The following ADAMTSL1 variants were observed in gnomAD, a reference collection of about 807,000 sequenced individuals.
ADAMTSL1 encodes ADAMTS-like protein 1.
In ADAMTSL1, 126 loss-of-function variants were observed where a neutral mutation model predicts 201.8. The ratio of observed to expected loss-of-function variants is 0.62; its 90% CI spans 0.54 to 0.72. The LOEUF is 0.72. Among genes scored for constraint, ADAMTSL1 ranks in the 30% least tolerant of loss-of-function variants. The probability of loss-of-function intolerance (pLI) is 0.00; values close to 1 mark genes in which losing one functional copy is unlikely to be tolerated. For missense variants in ADAMTSL1, 2,679 were observed against 2,277.8 expected, an observed-to-expected ratio of 1.18 and a Z score of -3.59; for synonymous variants, 1,121 against 903.4, an observed-to-expected ratio of 1.24 and a Z score of -4.32.
At position 18,753,584 on chromosome 9, in the gene ADAMTSL1, G is replaced by T. The variant is rs1819586466; in HGVS notation, c.2217+76G>T. 6.0e-6 allele frequency: 9 copies of T among 1,506,062 alleles called. No homozygotes were observed. In the South Asian group the frequency reaches 1.1e-4, roughly 18 times the overall value. The allele number at this position is 1,506,062 out of a possible 1,614,324, so 93.3% of individuals were successfully genotyped here. A position where few individuals can be genotyped will look rare whatever the true frequency, so the allele number is the denominator to read the frequency against. On this transcript the variant is annotated intron_variant, in intron 16 of 28. Coordinates refer to ENST00000380548, the MANE Select transcript of ADAMTSL1 (RefSeq NM_001040272.6). The stretch of plus-strand genomic sequence containing the variant: ...CAAAAAAGGGATGCTCTCTCAGAGT[G>T]GTTTTGTCCAGGGATGTTAAAGGGA...
Position 18,420,825 on chromosome 9 carries a change from A to G in ADAMTSL1, c.208-84004A>G, listed in dbSNP as rs146293865. Among the ~76,000 whole-genome samples the G allele has an allele frequency of 2.0e-5, 3 of 152,310 alleles. No individual in the cohort carries two copies. The East Asian group carries it at 5.8e-4, about 29-fold the overall frequency. On this transcript the variant is annotated intron_variant, in intron 2 of 29. Coordinates refer to the ADAMTSL1 transcript ENST00000680146. ...AATTAAAAGGACTAGATTCAGGAAA[A>G]AAATAGTTTTTGTCTCGAATGCCAA...
chr9:18,897,116 G>A (rs546999744), intron 26 of ADAMTSL1, among the ~76,000 whole-genome samples: 1 of 152,338 alleles, frequency 6.6e-6, no homozygotes, highest in Admixed American at 6.5e-5. Context: ...TGCTGTGCCA[G>A]ATAGTGGCCA....
intron 3 of ADAMTSL1, among the ~76,000 whole-genome samples, chr9:18,552,483 G>A (rs569628163): frequency 1.3e-5 from 2 of 151,768 alleles, no homozygotes; most frequent in African/African-American, 2.4e-5. Flanking sequence ...TTTGTTTGAT[G>A]ACCTGTTATC....
intron 2 of ADAMTSL1, among the ~76,000 whole-genome samples, chr9:18,331,130 G>A (rs180874968): frequency 1.3e-5 from 2 of 152,250 alleles, no homozygotes; most frequent in East Asian, 1.9e-4. Flanking sequence ...AGGCAACAAA[G>A]GTGTAAGACA....
In ADAMTSL1 at chr9:18,765,304, T is replaced by C. The variant is rs374960928; in HGVS notation, c.2218-5298T>C. Among the ~76,000 whole-genome samples the C allele has an allele frequency of 1.8e-4, 28 of 152,282 alleles. 2 individuals are homozygous for C. Among genetic ancestry groups the C allele is most frequent in the Admixed American group, 1.2e-3 (18 of 15,294 alleles). On this transcript the variant is annotated intron_variant, in intron 16 of 28. Transcript: ENST00000380548. The stretch of plus-strand genomic sequence containing the variant: ...ATGTCAATCACTGGGTAACAGAAAC[T>C]TTGGGAGCATGTTCTTTATGTCTGA...
At chr9:18,483,560 G>T (rs925214842) in intron 1 of ADAMTSL1, among the ~76,000 whole-genome samples, 1 of 152,174 alleles carries the variant, frequency 6.6e-6, no homozygotes, top group Non-Finnish European at 1.5e-5. Flanking sequence ...TGGCGCGCTG[G>T]CTCACACCTG....
At chr9:18,199,507 C>G (rs1320366021) in intron 2 of ADAMTSL1, among the ~76,000 whole-genome samples, 1 of 152,004 alleles carries the variant, frequency 6.6e-6, no homozygotes, top group African/African-American at 2.4e-5. Flanking sequence ...AAAAAACAAT[C>G]TTTTTGAAGT....
chr9:18,370,513 C>A (rs1836998143), intron 2 of ADAMTSL1, among the ~76,000 whole-genome samples: 1 of 152,060 alleles, frequency 6.6e-6, no homozygotes, highest in Admixed American at 6.5e-5. Flanking sequence ...TAGCAGGGTG[C>A]CTCATGCACG....
At chr9:17,929,664 C>T (rs535878168) in intron 1 of ADAMTSL1, among the ~76,000 whole-genome samples, 44 of 152,230 alleles carry the variant, frequency 2.9e-4, no homozygotes, top group African/African-American at 1.0e-3. Context: ...GTTTTCTTTG[C>T]CTGGAGGTCT....
At chr9:18,769,607 G>T (rs563019595) in intron 16 of ADAMTSL1, among the ~76,000 whole-genome samples, 1 of 152,144 alleles carries the variant, frequency 6.6e-6, no homozygotes, top group Non-Finnish European at 1.5e-5. Context: ...GTTTGTGACA[G>T]CCCAAGATGG....
At chr9:18,213,630 C>A (rs1047650107) in intron 2 of ADAMTSL1, among the ~76,000 whole-genome samples, 2 of 152,164 alleles carry the variant, frequency 1.3e-5, no homozygotes, top group Non-Finnish European at 2.9e-5. Flanking sequence ...AAATCTATTT[C>A]TTTGATATAT....
chr9:18,655,998 T>G (rs1418505936), intron 7 of ADAMTSL1, among the ~76,000 whole-genome samples: 1 of 152,040 alleles, frequency 6.6e-6, no homozygotes, highest in Non-Finnish European at 1.5e-5. Flanking sequence ...AAGTAGGGAA[T>G]GGTATCACTG....
At chr9:18,875,444 G>A (rs556916043) in intron 23 of ADAMTSL1, among the ~76,000 whole-genome samples, 17 of 152,194 alleles carry the variant, frequency 1.1e-4, no homozygotes, top group Admixed American at 5.2e-4. Context: ...GGTTTTGAAA[G>A]ACTGTGTCAC....
At chr9:17,992,911 C>A (rs750655173) in intron 1 of ADAMTSL1, among the ~76,000 whole-genome samples, 2 of 152,070 alleles carry the variant, frequency 1.3e-5, no homozygotes, top group South Asian at 2.1e-4. Context: ...TACACATAAC[C>A]CTTTACTGAA....
chr9:18,517,218 T>A (rs1002739036), intron 2 of ADAMTSL1, among the ~76,000 whole-genome samples: 1 of 152,172 alleles, frequency 6.6e-6, no homozygotes. Context: ...TTCTTGCTAG[T>A]GGATCTTAAG....
At chr9:18,811,197 C>T (rs1413323941) in intron 20 of ADAMTSL1, among the ~76,000 whole-genome samples, 1 of 152,096 alleles carries the variant, frequency 6.6e-6, no homozygotes, top group South Asian at 2.1e-4. Flanking sequence ...AGCAGGGAGC[C>T]TAGATTCCCC....
intron 20 of ADAMTSL1, among the ~76,000 whole-genome samples, chr9:18,805,960 T>C (rs1222243748): frequency 6.6e-6 from 1 of 152,232 alleles, no homozygotes; most frequent in Non-Finnish European, 1.5e-5. Flanking sequence ...ACCCTGAGAA[T>C]GAATACACAT....
chr9:18,235,020 C>G (rs1043818337), intron 2 of ADAMTSL1, among the ~76,000 whole-genome samples: 2 of 152,180 alleles, frequency 1.3e-5, no homozygotes, highest in Non-Finnish European at 2.9e-5. Context: ...TTTGTCACAA[C>G]TAAGGAACCA....
At chr9:17,947,959 C>T (rs1299011919) in intron 1 of ADAMTSL1, among the ~76,000 whole-genome samples, 1 of 152,152 alleles carries the variant, frequency 6.6e-6, no homozygotes, top group Non-Finnish European at 1.5e-5. Context: ...ATTTTTGAAG[C>T]AGACATTGAT....
Sources: gnomAD v4.1 joint callset for allele counts (sites outside exome capture counted in the v4.1 genomes callset) on GRCh38, gnomAD v4.1.1 for gene constraint, MANE v1.5 for transcripts, NCBI Gene and HGNC (gene_info 2026-07-23, HGNC 2026-07-21) for gene names.